DDX17: variants seen among roughly 807,000 people sequenced by gnomAD.
DDX17 encodes the protein probable ATP-dependent RNA helicase DDX17.
Under a neutral mutation model 80.8 loss-of-function variants are expected in DDX17, and 10 were observed. The observed-to-expected ratio is 0.12, with a 90% CI of 0.08 to 0.21. The LOEUF is 0.21. Ranked by LOEUF, DDX17 falls within the 10% of genes least tolerant of loss-of-function variation. The pLI, the probability that DDX17 is intolerant of heterozygous loss-of-function variation, is 1.00. For synonymous variants in DDX17, 339 were observed against 336.2 expected (o/e 1.01, Z -0.09); for missense variants, 586 against 957.4 (o/e 0.61, Z 5.12).
intron 1 of DDX17, among the ~76,000 whole-genome samples, chr22:38,503,524 C>T (rs953259025): frequency 2.0e-5 from 3 of 152,156 alleles, no homozygotes; most frequent in African/African-American, 7.2e-5. Flanking sequence ...GGAAAATATG[C>T]CGTCTTCCAT....
intron 12 of DDX17, among the ~76,000 whole-genome samples, chr22:38,486,810 ATGAC>A (rs2089664191): frequency 6.6e-6 from 1 of 152,156 alleles, no homozygotes; most frequent in African/African-American, 2.4e-5. Context: ...ACAGTGTAAA[ATGAC>A]TGACCTCTCC....
rs1160089590 is a variant in DDX17 at position 38,494,698 on chromosome 22, C to T, written c.1146G>A (p.Leu382=). The T allele has an allele frequency of 6.2e-7, 1 of 1,614,216 alleles. No homozygotes were observed. Among genetic ancestry groups the T allele is most frequent in the Admixed American group, 1.7e-5 (1 of 60,024 alleles). ...GGATGTTGTGGTTGGCACTCAACTCCAGATTGCCTACGTTGATCTGGGTGT... is the reference window on the plus strand; with the variant it reads ...GGATGTTGTGGTTGGCACTCAACTCTAGATTGCCTACGTTGATCTGGGTGT... Residue 382 remains leucine (L), a synonymous_variant, in exon 8 of 13, where the codon CTG becomes CTA. Transcript: ENST00000403230.
chr22:38,500,827 A>C (rs1168344998), intron 2 of DDX17, among the ~76,000 whole-genome samples: 1 of 96,354 alleles, frequency 1.0e-5, no homozygotes, highest in Non-Finnish European at 2.5e-5. Flanking sequence ...CAAAAAAAAA[A>C]AAAAAAAAAA....
intron 11 of DDX17, chr22:38,490,473 T>C: frequency 7.8e-7 from 1 of 1,285,624 alleles, no homozygotes; most frequent in Non-Finnish European, 1.0e-6. Context: ...TCAATACTTT[T>C]AGTTTAACAG....
rs1344672622 is a variant in DDX17, at chr22:38,485,707, TTA to T, written c.*226_*227del. 1.4e-5 allele frequency: 3 copies of T among 212,420 alleles called. No homozygotes were observed. The highest frequency in any genetic ancestry group is 6.1e-5 in the Admixed American group (1 of 16,456). 13.2% of individuals were successfully genotyped at this position (212,420 alleles called of 1,614,324 possible). ...ATATATATATATATTTTTTTTTTTT[TTA>T]CAAAATGTTATTCCAGACTGGATCA... On this transcript the variant is annotated 3_prime_UTR_variant, in exon 13 of 13. Coordinates refer to ENST00000403230, the MANE Select transcript of DDX17 (RefSeq NM_006386.5).
rs1242157023 is a variant in DDX17, at chr22:38,485,356, C to G, written c.*579G>C. Reference sequence around the variant, plus strand: ...AAACCAATTAGTAATTTTTAACTATCAAATGCACTCCAGCAATCAGTCAAA... The same window carrying G: ...AAACCAATTAGTAATTTTTAACTATGAAATGCACTCCAGCAATCAGTCAAA... On this transcript the variant is annotated 3_prime_UTR_variant, in exon 13 of 13. Coordinates refer to ENST00000403230, the MANE Select transcript of DDX17 (RefSeq NM_006386.5). 2.0e-5 allele frequency: 3 copies of G among 152,150 alleles called. No homozygotes were observed. The highest frequency in any genetic ancestry group is 2.9e-5 in the Non-Finnish European group (2 of 68,042). The allele number at this position is 152,150 out of a possible 1,614,324, so 9.4% of individuals were successfully genotyped here.
intron 11 of DDX17, chr22:38,490,422 C>CTG: frequency 7.8e-7 from 1 of 1,289,308 alleles, no homozygotes; most frequent in Non-Finnish European, 1.0e-6. Context: ...TGATCTGCAG[C>CTG]TGATATCAAA....
chr22:38,505,550 G>A (rs1352962751), intron 1 of DDX17: 2 of 186,828 alleles, frequency 1.1e-5, no homozygotes, highest in East Asian at 1.3e-4. Flanking sequence ...AGGAAGATCC[G>A]CGTTTTTCAG....
At position 38,484,644 on chromosome 22, in the gene DDX17, G is replaced by C. The variant is rs1250439980; in HGVS notation, c.*1291C>G. 2.0e-5 allele frequency: 3 copies of C among 152,042 alleles called. No homozygotes were observed. Among genetic ancestry groups the C allele is most frequent in the Non-Finnish European group, 4.4e-5 (3 of 68,026 alleles). The allele number at this position is 152,042 out of a possible 1,614,324, so 9.4% of individuals were successfully genotyped here. A position where few individuals can be genotyped will look rare whatever the true frequency, so the allele number is the denominator to read the frequency against. Reference sequence around the variant, plus strand: ...ACACAATAGCAGAAAATTCTTTCTGGGTCCATCTGCTATAAAGTCTTGGTA... The same window carrying C: ...ACACAATAGCAGAAAATTCTTTCTGCGTCCATCTGCTATAAAGTCTTGGTA... On this transcript the variant is annotated 3_prime_UTR_variant, in exon 13 of 13. Transcript: ENST00000403230.
intron 2 of DDX17, among the ~76,000 whole-genome samples, chr22:38,500,749 G>A (rs374132808): frequency 9.1e-5 from 13 of 143,346 alleles, no homozygotes; most frequent in African/African-American, 3.3e-4. Flanking sequence ...CCCAGGAGGC[G>A]GAGGTTGCAG....
At chr22:38,503,433 T>TC (rs398121829) in intron 1 of DDX17, among the ~76,000 whole-genome samples, 9 of 152,168 alleles carry the variant, frequency 5.9e-5, no homozygotes, top group South Asian at 2.1e-4. Context: ...TATTTTTTTT[T>TC]CCTCTCTCCT....
chr22:38,488,379 T>C (rs1452644631), intron 11 of DDX17: 8 of 1,342,418 alleles, frequency 6.0e-6, no homozygotes, highest in Admixed American at 6.3e-5. Context: ...ACATCCAAAC[T>C]CCTGCCTCTG....
At chr22:38,490,450 AAAC>A in intron 11 of DDX17, 1 of 1,289,220 alleles carries the variant, frequency 7.8e-7, no homozygotes, top group Non-Finnish European at 1.0e-6. Context: ...TTAAAAAACA[AAAC>A]AAAATAAATT....
At position 38,506,296 on chromosome 22, in the gene DDX17, G is replaced by C. The variant is rs530901751; in HGVS notation, c.-59C>G. ...TTTAGGCGTCTCCTTCCTTCCCAGC[G>C]ACTGCACAAAATGGCGGCCGCCGCT... On this transcript the variant is annotated 5_prime_UTR_variant, in exon 1 of 13. Transcript: ENST00000403230. 2.0e-6 allele frequency: 3 copies of C among 1,494,450 alleles called. No homozygotes were observed. The highest frequency in any genetic ancestry group is 2.6e-5 in the Admixed American group (1 of 38,848). The allele number at this position is 1,494,450 out of a possible 1,614,324, so 92.6% of individuals were successfully genotyped here. A position where few individuals can be genotyped will look rare whatever the true frequency, so the allele number is the denominator to read the frequency against.
rs1016406792 is a variant in DDX17 at position 38,485,497 on chromosome 22, G to A, written c.*438C>T. 1 of 151,950 alleles carries A rather than the reference G, an allele frequency of 6.6e-6. No individual in the cohort carries two copies. The highest frequency in any genetic ancestry group is 2.4e-5 in the African/African-American group (1 of 41,310). The allele number at this position is 151,950 out of a possible 1,614,324, so 9.4% of individuals were successfully genotyped here. The stretch of plus-strand genomic sequence containing the variant: ...GTAATGAGAAATTTAAAGCACAGAT[G>A]CCATCTTCCTCTGCAAAACAATTCA... On this transcript the variant is annotated 3_prime_UTR_variant, in exon 13 of 13. Coordinates refer to ENST00000403230, the MANE Select transcript of DDX17 (RefSeq NM_006386.5).
intron 5 of DDX17, 53 bp from the exon 6 acceptor site, chr22:38,495,990 A>AT: frequency 2.1e-6 from 3 of 1,419,242 alleles, no homozygotes; most frequent in Non-Finnish European, 1.9e-6. Flanking sequence ...AAAAAAAAAA[A>AT]AAAAAAAAAG....
chr22:38,486,384 G>C lies in DDX17; in HGVS notation c.1741C>G (p.Gln581Glu). The C allele has an allele frequency of 6.2e-7, 1 of 1,613,968 alleles. No individual in the cohort carries two copies. Among genetic ancestry groups the C allele is most frequent in the Non-Finnish European group, 8.5e-7 (1 of 1,179,952 alleles). Reference sequence around the variant, plus strand: ...CGAAGCCTTCGGTCACACTCATCCTGATACATCAGATTGGGATTGTTGGCT... The same window carrying C: ...CGAAGCCTTCGGTCACACTCATCCTCATACATCAGATTGGGATTGTTGGCT... The change falls in exon 13 of 13, where the codon CAG becomes GAG. Residue 581 changes from glutamine (Q) to glutamate (E), a missense_variant. Gln to Glu is a conservative substitution (Grantham distance 29). Around this residue, in one of 4 missense-constraint regions of DDX17, gnomAD observed 221 missense variants for 261.4 expected, o/e 0.85. Coordinates refer to ENST00000403230, the MANE Select transcript of DDX17 (RefSeq NM_006386.5).
intron 5 of DDX17, 23 bp from the exon 6 acceptor site, chr22:38,495,960 T>G: frequency 6.9e-7 from 1 of 1,439,988 alleles, no homozygotes; most frequent in Non-Finnish European, 9.1e-7. Context: ...AAAAGACACT[T>G]GAGACCTCAT....
intron 10 of DDX17, 21 bp from the exon 11 acceptor site, chr22:38,492,136 C>T (rs1019872320): frequency 6.3e-7 from 1 of 1,597,160 alleles, no homozygotes; most frequent in Middle Eastern, 1.7e-4. Flanking sequence ...AAACAATAAT[C>T]ATCATCAAAT....
Sources: gnomAD v4.1 joint callset for allele counts (sites outside exome capture counted in the v4.1 genomes callset) on GRCh38, gnomAD v4.1.1 for gene constraint, gnomAD v4.1.1 regional missense constraint, MANE v1.5 for transcripts, NCBI Gene and HGNC (gene_info 2026-07-23, HGNC 2026-07-21) for gene names.